The following TRPM3 variants were observed in gnomAD, a reference collection of about 807,000 sequenced individuals.
The protein encoded by TRPM3 is long transient receptor potential channel 3.
A neutral mutation model predicts 181.2 loss-of-function variants in TRPM3; 77 were observed. That is an observed-to-expected ratio of 0.42 (90% CI 0.35 to 0.51). TRPM3 has a LOEUF of 0.51. TRPM3 is among the 20% of genes least tolerant of loss of function. TRPM3 has a pLI of 0.01. For synonymous variants in TRPM3, 745 were observed against 796.4 expected (o/e 0.94, Z 1.09); for missense variants, 1,759 against 2,196.7 (o/e 0.80, Z 3.98).
intron 20 of TRPM3, among the ~76,000 whole-genome samples, chr9:70,602,280 C>T (rs1057263367): frequency 1.3e-5 from 2 of 152,116 alleles, no homozygotes; most frequent in Admixed American, 1.3e-4. Flanking sequence ...AATACAACTG[C>T]ATCTAACAGA....
chr9:71,370,310 G>A (rs1437714531), intron 1 of TRPM3, among the ~76,000 whole-genome samples: 1 of 152,098 alleles, frequency 6.6e-6, no homozygotes, highest in Non-Finnish European at 1.5e-5. Flanking sequence ...CATGGCAAAA[G>A]CTAAGATAGG....
intron 6 of TRPM3, among the ~76,000 whole-genome samples, chr9:70,816,270 G>A (rs528264676): frequency 7.2e-5 from 11 of 152,302 alleles, no homozygotes; most frequent in African/African-American, 1.2e-4. Context: ...TTCCAAAGGC[G>A]TCAAGAGCCC....
intron 22 of TRPM3, among the ~76,000 whole-genome samples, chr9:70,563,143 G>C (rs1588457531): frequency 6.6e-6 from 1 of 152,212 alleles, no homozygotes; most frequent in Non-Finnish European, 1.5e-5. Flanking sequence ...TAAGAGACAT[G>C]CATGAGCTAG....
chr9:71,246,571 C>A (rs755046605), intron 1 of TRPM3, among the ~76,000 whole-genome samples: 36 of 152,302 alleles, frequency 2.4e-4, no homozygotes, highest in South Asian at 6.2e-4. Context: ...ATGGCTTTAA[C>A]AAACAGTACC....
chr9:71,084,447 A>G (rs991262157), intron 1 of TRPM3, among the ~76,000 whole-genome samples: 8 of 152,028 alleles, frequency 5.3e-5, no homozygotes, highest in African/African-American at 1.7e-4. Flanking sequence ...AAATCAACGT[A>G]CAAAAATCAG....
intron 1 of TRPM3, among the ~76,000 whole-genome samples, chr9:70,990,449 A>G (rs1312824144): frequency 6.6e-6 from 1 of 152,192 alleles, no homozygotes; most frequent in Non-Finnish European, 1.5e-5. Flanking sequence ...TTAAGAGTTT[A>G]TAACAAGATA....
At chr9:70,790,300 T>C (rs2085060356) in intron 6 of TRPM3, among the ~76,000 whole-genome samples, 1 of 152,154 alleles carries the variant, frequency 6.6e-6, no homozygotes, top group Non-Finnish European at 1.5e-5. Context: ...CAGATCATGA[T>C]TATTACAGTA....
intron 6 of TRPM3, among the ~76,000 whole-genome samples, chr9:70,806,769 G>A (rs1251733257): frequency 2.0e-5 from 3 of 152,086 alleles, no homozygotes; most frequent in African/African-American, 7.2e-5. Flanking sequence ...AACTTTATTA[G>A]TGACATCTGG....
chr9:71,420,706 AG>A (rs1481250460), intron 1 of TRPM3, among the ~76,000 whole-genome samples: 5 of 142,354 alleles, frequency 3.5e-5, no homozygotes, highest in East Asian at 2.0e-4. Flanking sequence ...AGAAAGAGAG[AG>A]AAAGAAAGAG....
intron 1 of TRPM3, among the ~76,000 whole-genome samples, chr9:71,021,058 A>T (rs2134503306): frequency 6.6e-6 from 1 of 152,334 alleles, no homozygotes; most frequent in East Asian, 1.9e-4. Flanking sequence ...AAAAGAAAGA[A>T]TTACTGCTGA....
At chr9:70,923,292 G>A (rs921331797) in intron 1 of TRPM3, among the ~76,000 whole-genome samples, 1 of 151,966 alleles carries the variant, frequency 6.6e-6, no homozygotes. Flanking sequence ...TTTAATACCT[G>A]TTCACAAAAC....
intron 20 of TRPM3, among the ~76,000 whole-genome samples, chr9:70,600,376 A>G (rs1450513216): frequency 6.6e-6 from 1 of 152,162 alleles, no homozygotes; most frequent in East Asian, 1.9e-4. Context: ...TGTCCACTAT[A>G]ATGATTTACC....
chr9:70,917,895 C>T (rs1371057142), intron 1 of TRPM3, among the ~76,000 whole-genome samples: 1 of 151,560 alleles, frequency 6.6e-6, no homozygotes, highest in Admixed American at 6.6e-5. Context: ...CTGTTGCCTA[C>T]AAGAAACAGA....
rs752054663 is a variant in TRPM3, at chr9:71,353,672, G to A, written c.183+92981C>T. On this transcript the variant is annotated intron_variant, in intron 1 of 24. Transcript: ENST00000357533. The stretch of plus-strand genomic sequence containing the variant: ...TTTCTTATTATCCTTGACAGATATC[G>A]CTCTTTGTTTTTATTATAGTCCTCT... Among the ~76,000 whole-genome samples, 4 of 152,066 alleles carry A rather than the reference G, an allele frequency of 2.6e-5. No homozygotes were observed. In the East Asian group the frequency reaches 5.8e-4, roughly 22 times the overall value.
intron 1 of TRPM3, among the ~76,000 whole-genome samples, chr9:71,107,305 G>A (rs1326513247): frequency 6.6e-6 from 1 of 152,064 alleles, no homozygotes; most frequent in Non-Finnish European, 1.5e-5. Flanking sequence ...CTGCACCACT[G>A]TACTTAATCC....
chr9:70,684,384 C>T (rs766133936), intron 8 of TRPM3, among the ~76,000 whole-genome samples: 12 of 151,996 alleles, frequency 7.9e-5, no homozygotes, highest in Non-Finnish European at 1.8e-4. Context: ...CCCAAGGACC[C>T]GGGAGTGACC....
chr9:71,308,678 C>G (rs754566163), intron 1 of TRPM3, among the ~76,000 whole-genome samples: 103 of 152,156 alleles, frequency 6.8e-4, no homozygotes, highest in Admixed American at 2.9e-3. Flanking sequence ...ATAAATAGCA[C>G]TGCTGTGCTC....
At position 71,401,101 on chromosome 9, in the gene TRPM3, G is replaced by A. The variant is rs554361510; in HGVS notation, c.183+45552C>T. On this transcript the variant is annotated intron_variant, in intron 1 of 24. Coordinates refer to the TRPM3 transcript ENST00000357533. ...TAGTCCCAGCTACTCGGGAGGCTGA[G>A]GCAGGAAAATCACTTGAACCTGGGA... Among the ~76,000 whole-genome samples, 15 of 150,890 alleles carry A rather than the reference G, an allele frequency of 9.9e-5. No individual in the cohort carries two copies. In the East Asian group the frequency reaches 2.7e-3, roughly 27 times the overall value.
chr9:70,603,289 A>T (rs750027414), intron 20 of TRPM3, 53 bp downstream of exon 20: 5 of 1,586,380 alleles, frequency 3.2e-6, no homozygotes, highest in Non-Finnish European at 4.3e-6. Flanking sequence ...CCATCCACAG[A>T]TAGAACTTAA....
Sources: allele counts gnomAD v4.1 joint callset (sites outside exome capture counted in the v4.1 genomes callset), GRCh38; gene constraint gnomAD v4.1.1; transcripts MANE v1.5; gene names NCBI Gene and HGNC (gene_info 2026-07-23, HGNC 2026-07-21).